Variants in NRG4 observed in about 807,000 individuals in gnomAD.
NRG4 encodes the protein neuregulin 4.
Under a neutral mutation model 15.0 loss-of-function variants are expected in NRG4, and 10 were observed. The ratio of observed to expected loss-of-function variants is 0.67; its 90% CI spans 0.41 to 1.13. NRG4 has a LOEUF of 1.13. Ranked by LOEUF, NRG4 falls within the 50% of genes most tolerant of loss-of-function variation. The pLI is 0.00. For missense variants in NRG4, 139 were observed against 140.2 expected, an observed-to-expected ratio of 0.99 and a Z score of 0.04; for synonymous variants, 41 against 50.1, an observed-to-expected ratio of 0.82 and a Z score of 0.77.
At position 75,941,111 on chromosome 15, in the gene NRG4, A is replaced by T. The variant is rs562939723; in HGVS notation, c.*2527T>A. On this transcript the variant is annotated 3_prime_UTR_variant, in exon 6 of 6. Transcript: ENST00000394907. ...CAACAACAGTGTAAAAACCTGATTT[A>T]AAAAATGGCAAAGGATTTGGATAGA... The T allele has an allele frequency of 2.6e-5, 4 of 152,330 alleles. No homozygotes were observed. The South Asian group carries it at 8.3e-4, about 32-fold the overall frequency. 9.4% of individuals were successfully genotyped at this position (152,330 alleles called of 1,614,324 possible).
chr15:76,017,156 T>C (rs948325403), upstream of NRG4, among the ~76,000 whole-genome samples: 3 of 37,060 alleles, frequency 8.1e-5, no homozygotes, highest in Non-Finnish European at 1.6e-4. Context: ...AACCCCTGCC[T>C]TTTTTTTTTT....
rs556814240 is a variant in NRG4 at position 75,963,650 on chromosome 15, C to T, written c.105-1676G>A. Among the ~76,000 whole-genome samples the T allele has an allele frequency of 5.3e-5, 8 of 151,984 alleles. No homozygotes were observed. The South Asian group carries it at 1.0e-3, about 20-fold the overall frequency. ...AAAATTATCTGGGTGTGGTGGTGCA[C>T]GCCTGTAGTCACAGCTACTCAGGAG... On this transcript the variant is annotated intron_variant, in intron 3 of 5. Transcript: ENST00000394907.
chr15:76,005,021 T>C (rs1193985605), intron 3 of NRG4, among the ~76,000 whole-genome samples: 3 of 152,168 alleles, frequency 2.0e-5, no homozygotes, highest in African/African-American at 7.2e-5. Flanking sequence ...TTTATATGTT[T>C]TATGTATTAC....
intron 5 of NRG4, among the ~76,000 whole-genome samples, chr15:75,951,759 C>T (rs1001485230): frequency 6.6e-6 from 1 of 152,092 alleles, no homozygotes; most frequent in Non-Finnish European, 1.5e-5. Flanking sequence ...TCTTATTATA[C>T]ATTTTGCTTT....
intron 5 of NRG4, among the ~76,000 whole-genome samples, chr15:76,032,325 C>G (rs549201705): frequency 6.6e-6 from 1 of 152,158 alleles, no homozygotes; most frequent in Admixed American, 6.5e-5. Flanking sequence ...ATATTGTGTA[C>G]AAAGCCACCA....
At chr15:75,988,992 G>A (rs1030814597) in intron 3 of NRG4, among the ~76,000 whole-genome samples, 1 of 151,646 alleles carries the variant, frequency 6.6e-6, no homozygotes, top group Non-Finnish European at 1.5e-5. Context: ...CACGTAGCTG[G>A]GACTACAGGC....
At chr15:76,049,660 C>T (rs1470433033) in intron 4 of NRG4, among the ~76,000 whole-genome samples, 1 of 151,042 alleles carries the variant, frequency 6.6e-6, no homozygotes, top group East Asian at 1.9e-4. Context: ...TAACCACTTA[C>T]TTCCCTTAAT....
intron 3 of NRG4, among the ~76,000 whole-genome samples, chr15:75,976,287 G>A (rs966095812): frequency 2.6e-5 from 4 of 151,994 alleles, no homozygotes; most frequent in East Asian, 3.9e-4. Context: ...GAACATGCTC[G>A]TTTAGCTTGA....
At chr15:75,984,641 G>C (rs932978636) in intron 3 of NRG4, among the ~76,000 whole-genome samples, 1 of 152,140 alleles carries the variant, frequency 6.6e-6, no homozygotes, top group Non-Finnish European at 1.5e-5. Context: ...CTACTGGGAG[G>C]CAGGGGGCTA....
chr15:75,968,978 T>C (rs1008368134), intron 3 of NRG4, among the ~76,000 whole-genome samples: 1 of 152,220 alleles, frequency 6.6e-6, no homozygotes, highest in Non-Finnish European at 1.5e-5. Flanking sequence ...GCCTTTCCAT[T>C]GTAGAAGTGT....
chr15:76,017,003 G>C (rs2034997834), upstream of NRG4, among the ~76,000 whole-genome samples: 1 of 151,956 alleles, frequency 6.6e-6, no homozygotes, highest in African/African-American at 2.4e-5. Flanking sequence ...ATGGATCTGG[G>C]TGCTCCTGTA....
intron 5 of NRG4, among the ~76,000 whole-genome samples, chr15:75,943,970 C>G (rs896540542): frequency 9.9e-5 from 15 of 151,648 alleles, no homozygotes; most frequent in Non-Finnish European, 2.1e-4. Flanking sequence ...AGCCTGGTGA[C>G]CTGTCTTAGA....
chr15:76,038,374 AC>A (rs1404503934), intron 4 of NRG4, among the ~76,000 whole-genome samples: 4 of 151,900 alleles, frequency 2.6e-5, no homozygotes, highest in African/African-American at 9.6e-5. Context: ...GCCAGAGGGG[AC>A]CCCACTTCCC....
chr15:75,965,239 G>C (rs963619998), intron 3 of NRG4, among the ~76,000 whole-genome samples: 11 of 151,798 alleles, frequency 7.2e-5, no homozygotes, highest in Non-Finnish European at 1.6e-4. Context: ...AAAAATCAAA[G>C]AAAAAAAGAT....
intron 1 of NRG4, among the ~76,000 whole-genome samples, chr15:76,059,438 G>A (rs548436616): frequency 1.3e-4 from 20 of 152,318 alleles, no homozygotes; most frequent in South Asian, 2.1e-4. Flanking sequence ...AAGAGCTCTG[G>A]AAACTGCAAA....
intron 4 of NRG4, 91 bp from the exon 5 acceptor site, chr15:75,956,102 T>C (rs2032225477): frequency 1.4e-6 from 1 of 704,994 alleles, no homozygotes; most frequent in African/African-American, 1.8e-5. Context: ...TTTTTTTAAT[T>C]TCCCTTCTTC....
intron 5 of NRG4, among the ~76,000 whole-genome samples, chr15:76,024,878 A>G (rs2035263176): frequency 6.6e-6 from 1 of 152,222 alleles, no homozygotes. Context: ...ATCTATATGT[A>G]TAAGTCTTTC....
At chr15:75,953,608 G>A (rs965253849) in intron 5 of NRG4, among the ~76,000 whole-genome samples, 2 of 152,158 alleles carry the variant, frequency 1.3e-5, no homozygotes, top group African/African-American at 4.8e-5. Context: ...TCTGAAAAAT[G>A]CCTGCTGAAA....
chr15:76,016,962 G>T (rs538128354), upstream of NRG4, among the ~76,000 whole-genome samples: 2 of 152,218 alleles, frequency 1.3e-5, no homozygotes, highest in African/African-American at 4.8e-5. Flanking sequence ...GGGAGTCTAT[G>T]TCTCTTTGTA....
Sources: gnomAD v4.1 joint callset for allele counts (sites outside exome capture counted in the v4.1 genomes callset) on GRCh38, gnomAD v4.1.1 for gene constraint, MANE v1.5 for transcripts, NCBI Gene and HGNC (gene_info 2026-07-23, HGNC 2026-07-21) for gene names.